The following KATNAL2 variants were observed in gnomAD, a reference collection of about 807,000 sequenced individuals.
The protein encoded by KATNAL2 is katanin catalytic subunit A1 like 2.
KATNAL2 carries 52 observed loss-of-function variants against 76.3 expected under a neutral mutation model. The ratio of observed to expected loss-of-function variants is 0.68; its 90% confidence interval spans 0.55 to 0.86. The LOEUF (loss-of-function observed/expected upper bound fraction) is 0.86, where lower values mean the gene tolerates loss of function less well. Ranked by LOEUF, KATNAL2 falls within the 40% of genes least tolerant of loss-of-function variation. The pLI, the probability that KATNAL2 is intolerant of heterozygous loss-of-function variation, is 0.00. For missense variants in KATNAL2, 660 were observed against 668.9 expected (o/e 0.99, Z 0.15); for synonymous variants, 243 against 244.2 (o/e 1.00, Z 0.05).
chr18:47,035,553 T>C, intron 3 of KATNAL2: 1 of 627,288 alleles, frequency 1.6e-6, no homozygotes, highest in Non-Finnish European at 2.8e-6. Context: ...AATGAAGCTC[T>C]GGTGCCAGAG....
At chr18:46,933,214 G>A (rs1325880605) in intron 1 of KATNAL2, among the ~76,000 whole-genome samples, 1 of 152,028 alleles carries the variant, frequency 6.6e-6, no homozygotes, top group African/African-American at 2.4e-5. Context: ...AAAAATAGAA[G>A]CAAATATCTA....
chr18:47,032,371 T>A (rs1401238688), intron 3 of KATNAL2, among the ~76,000 whole-genome samples: 1 of 152,176 alleles, frequency 6.6e-6, no homozygotes, highest in Non-Finnish European at 1.5e-5. Flanking sequence ...CTCAGCCCTT[T>A]AAGAAGCTGG....
At chr18:47,095,402 C>G (rs1264608058) in intron 15 of KATNAL2, among the ~76,000 whole-genome samples, 2 of 151,946 alleles carry the variant, frequency 1.3e-5, no homozygotes, top group Non-Finnish European at 2.9e-5. Flanking sequence ...TTCCCCCATG[C>G]TGTTCTCATG....
Position 47,063,355 on chromosome 18 carries a change from G to A in KATNAL2, c.720G>A (p.Val240=). The A allele has an allele frequency of 1.2e-6, 2 of 1,613,832 alleles. No individual in the cohort carries two copies. The highest frequency in any genetic ancestry group is 1.7e-6 in the Non-Finnish European group (2 of 1,179,800). ...AGATGCGAGAATTGGCAGCCGTGGT[G>A]AGCCGGGTAAGATCTGATATTCAAT... ...NSEMRELAAV[V]SRDIYLHNPN... is the part of the protein sequence containing the mutation. The change falls in exon 10 of 18, where the codon GTG becomes GTA. Residue 240 remains valine (V), a synonymous_variant. Coordinates refer to ENST00000683218, the MANE Select transcript of KATNAL2 (RefSeq NM_001387690.1).
At position 47,059,529 on chromosome 18, in the gene KATNAL2, G is replaced by A. The variant is rs760698984; in HGVS notation, c.451-27G>A. ...CAACTCTCCATGGCTGCTCACAGCCGATGTGTCCTTGTCTCTCTTTCTTCA... is the reference window on the plus strand; with the variant it reads ...CAACTCTCCATGGCTGCTCACAGCCAATGTGTCCTTGTCTCTCTTTCTTCA... On this transcript the variant is annotated intron_variant, in intron 7 of 17. Coordinates refer to ENST00000683218, the MANE Select transcript of KATNAL2 (RefSeq NM_001387690.1). The A allele has an allele frequency of 1.8e-5, 27 of 1,509,928 alleles. No homozygotes were observed. In the Middle Eastern group the frequency reaches 5.1e-4, roughly 29 times the overall value. The allele number at this position is 1,509,928 out of a possible 1,614,324, so 93.5% of individuals were successfully genotyped here.
intron 6 of KATNAL2, among the ~76,000 whole-genome samples, chr18:47,057,215 G>A (rs1258357010): frequency 1.3e-5 from 2 of 152,164 alleles, no homozygotes; most frequent in African/African-American, 4.8e-5. Context: ...TCTGAACATG[G>A]GGAGACTTGC....
At chr18:46,931,339 T>G (rs1201130174) in intron 1 of KATNAL2, among the ~76,000 whole-genome samples, 1 of 150,766 alleles carries the variant, frequency 6.6e-6, no homozygotes. Flanking sequence ...AATAAAAAAT[T>G]TAAAATTAAA....
intron 3 of KATNAL2, chr18:47,033,918 G>T: frequency 6.2e-7 from 1 of 1,613,014 alleles, no homozygotes; most frequent in Non-Finnish European, 8.5e-7. Flanking sequence ...TTTTCGGCCC[G>T]GCGGAATCAG....
At chr18:47,087,311 G>C (rs1458561361) in intron 15 of KATNAL2, among the ~76,000 whole-genome samples, 1 of 152,160 alleles carries the variant, frequency 6.6e-6, no homozygotes, top group South Asian at 2.1e-4. Context: ...ACGCCCATCA[G>C]TGATAGACTG....
At chr18:47,099,527 C>G in intron 16 of KATNAL2, 122 bp downstream of exon 16, 1 of 889,710 alleles carries the variant, frequency 1.1e-6, no homozygotes, top group Non-Finnish European at 1.6e-6. Context: ...CCAAGCTGCC[C>G]CCGTAATGCA....
At chr18:47,071,953 C>CTTCTTTTTTTTTTT (rs2062020721) in intron 13 of KATNAL2, among the ~76,000 whole-genome samples, 1 of 43,950 alleles carries the variant, frequency 2.3e-5, no homozygotes, top group African/African-American at 1.2e-4. Context: ...CCAATTTCTT[C>CTTCTTTTTTTTTTT]TTTTTTTTTT....
chr18:47,044,821 C>T (rs2061100203), intron 3 of KATNAL2, among the ~76,000 whole-genome samples: 2 of 151,698 alleles, frequency 1.3e-5, no homozygotes, highest in East Asian at 1.9e-4. Context: ...TGGTGGCTCA[C>T]GCCTGTAATC....
In KATNAL2 at chr18:47,101,016, A is replaced by G. The variant is rs1324317557; in HGVS notation, c.*11A>G. The G allele has an allele frequency of 1.9e-6, 3 of 1,613,638 alleles. No individual in the cohort carries two copies. In the African/African-American group the frequency reaches 4.0e-5, roughly 22 times the overall value. ...TTCGAGTCTGTCTGAAACCACATTT[A>G]CCCTGACCTGGCCACAAAGGCAACC... On this transcript the variant is annotated 3_prime_UTR_variant, in exon 18 of 18. Transcript: ENST00000683218.
intron 10 of KATNAL2, 41 bp downstream of exon 10, chr18:47,063,402 C>T (rs573468354): frequency 6.7e-7 from 1 of 1,483,984 alleles, no homozygotes; most frequent in South Asian, 1.2e-5. Context: ...TGGAGGCAGG[C>T]TGGGGCTTCT....
chr18:47,058,368 C>T lies in KATNAL2; in HGVS notation c.450+16C>T, dbSNP rs1420032261. On this transcript the variant is annotated intron_variant, in intron 7 of 17. Coordinates refer to ENST00000683218, the MANE Select transcript of KATNAL2 (RefSeq NM_001387690.1). ...TCCTAATCAGGTCAGGATGGCTTGG[C>T]TTGACTTTGTGAACAGCACACTTGG... is the stretch of plus-strand genomic sequence containing the variant. The T allele has an allele frequency of 1.3e-6, 2 of 1,490,550 alleles. No individual in the cohort carries two copies. Among genetic ancestry groups the T allele is most frequent in the East Asian group, 2.3e-5 (1 of 44,220 alleles). The allele number at this position is 1,490,550 out of a possible 1,614,324, so 92.3% of individuals were successfully genotyped here. A position where few individuals can be genotyped will look rare whatever the true frequency, so the allele number is the denominator to read the frequency against.
intron 3 of KATNAL2, chr18:47,035,106 C>T (rs752915255): frequency 1.2e-5 from 20 of 1,611,162 alleles, no homozygotes; most frequent in Non-Finnish European, 1.6e-5. Context: ...GCAGGCGCTT[C>T]ACCGTCTTTC....
chr18:47,040,079 T>G (rs72921329), intron 3 of KATNAL2, among the ~76,000 whole-genome samples: 9,776 of 152,308 alleles, frequency 0.064, 348 homozygotes, highest in Non-Finnish European at 0.081. Context: ...ACAGCAGGTC[T>G]GCAACTATTC....
In KATNAL2 at chr18:46,961,454, G is replaced by C. The variant is rs1447242351; in HGVS notation, c.51+14531G>C. On this transcript the variant is annotated intron_variant, in intron 3 of 17. Transcript: ENST00000683218. ...TAATACACTTGTGTTGAAGTTTTCT[G>C]ATAAACAAAGGTAGCAACAAAAACT... Among the ~76,000 whole-genome samples the C allele has an allele frequency of 2.6e-5, 4 of 152,320 alleles. No individual in the cohort carries two copies. In the East Asian group the frequency reaches 7.7e-4, roughly 29 times the overall value.
chr18:47,084,536 G>T (rs1394511469), intron 15 of KATNAL2: 3 of 620,032 alleles, frequency 4.8e-6, no homozygotes, highest in African/African-American at 1.8e-5. Flanking sequence ...CCCCCAGCAG[G>T]GTTGCTCAAT....
Sources: gnomAD v4.1 joint callset for allele counts (sites outside exome capture counted in the v4.1 genomes callset) on GRCh38, gnomAD v4.1.1 for gene constraint, MANE v1.5 for transcripts, NCBI Gene and HGNC (gene_info 2026-07-23, HGNC 2026-07-21) for gene names.